Variants in MYO9A observed in about 807,000 individuals in gnomAD.
MYO9A encodes the protein unconventional myosin-IXa.
A neutral mutation model predicts 293.3 loss-of-function variants in MYO9A; 103 were observed. The ratio of observed to expected loss-of-function variants is 0.35; its 90% CI spans 0.30 to 0.41. The LOEUF (loss-of-function observed/expected upper bound fraction) is 0.41, where lower values mean the gene tolerates loss of function less well. Ranked by LOEUF, MYO9A falls within the 10% of genes least tolerant of loss-of-function variation. MYO9A has a pLI of 1.00. For synonymous variants in MYO9A, 1,001 were observed against 1,035.7 expected (o/e 0.97, Z 0.64); for missense variants, 2,685 against 3,033.0 (o/e 0.89, Z 2.69).
intron 1 of MYO9A, among the ~76,000 whole-genome samples, chr15:72,047,728 A>T (rs1203099992): frequency 2.1e-5 from 3 of 143,424 alleles, no homozygotes; most frequent in African/African-American, 7.6e-5. Flanking sequence ...TATAAGGATG[A>T]TGTGCTATTA....
intron 5 of MYO9A, 142 bp downstream of exon 5, chr15:72,020,776 A>T (rs2077481162): frequency 2.4e-6 from 1 of 420,730 alleles, no homozygotes; most frequent in South Asian, 1.1e-4. Context: ...TGAGAACTGC[A>T]TCACCTAAAT....
At chr15:71,878,575 A>C (rs2056766014) in intron 30 of MYO9A, among the ~76,000 whole-genome samples, 1 of 152,300 alleles carries the variant, frequency 6.6e-6, no homozygotes, top group South Asian at 2.1e-4. Flanking sequence ...AACCTTGTTT[A>C]GATGGTTCTA....
At chr15:71,852,287 C>A in intron 35 of MYO9A, 27 bp from the exon 36 acceptor site, 1 of 1,574,744 alleles carries the variant, frequency 6.4e-7, no homozygotes, top group Non-Finnish European at 8.7e-7. Flanking sequence ...GTTAGATTAA[C>A]AGAGCCAAAA....
At chr15:71,841,809 T>TG (rs1219979762) in intron 39 of MYO9A, among the ~76,000 whole-genome samples, 5 of 144,030 alleles carry the variant, frequency 3.5e-5, no homozygotes, top group Non-Finnish European at 7.5e-5. Context: ...TTTTTTTTTT[T>TG]GTTTTTTTTG....
At chr15:72,019,173 A>G (rs1376206648) in intron 5 of MYO9A, 78 bp from the exon 6 acceptor site, 1 of 1,176,506 alleles carries the variant, frequency 8.5e-7, no homozygotes, top group African/African-American at 1.5e-5. Context: ...GTGGTGTGCA[A>G]GTAGTACTGC....
chr15:72,008,405 C>T (rs927992538), intron 7 of MYO9A, among the ~76,000 whole-genome samples: 1 of 148,712 alleles, frequency 6.7e-6, no homozygotes, highest in Non-Finnish European at 1.5e-5. Context: ...AAATGCTTTT[C>T]TATACCATAG....
chr15:71,903,906 A>G, intron 21 of MYO9A, 23 bp downstream of exon 21: 1 of 1,584,256 alleles, frequency 6.3e-7, no homozygotes, highest in Non-Finnish European at 8.7e-7. Context: ...CTAAATATGT[A>G]AATATCACTA....
intron 7 of MYO9A, 120 bp downstream of exon 7, chr15:72,010,230 G>A (rs568204815): frequency 9.3e-6 from 6 of 641,946 alleles, no homozygotes; most frequent in African/African-American, 9.1e-5. Flanking sequence ...CGAGATGGAT[G>A]AGGTACTAGA....
At position 72,006,537 on chromosome 15, in the gene MYO9A, G is replaced by C. The variant is rs544078785; in HGVS notation, c.1380+1289C>G. On this transcript the variant is annotated intron_variant, in intron 8 of 41. Coordinates refer to ENST00000356056, the MANE Select transcript of MYO9A (RefSeq NM_006901.4). ...AGATCAGTGGTTGCCAGCAGTTTAG[G>C]GGGAGGGACTGAACAGGTAAAGCAC... is the stretch of plus-strand genomic sequence containing the variant. 4.6e-5 allele frequency among the ~76,000 whole-genome samples: 7 copies of C among 152,292 alleles called. No homozygotes were observed. The East Asian group carries it at 7.7e-4, about 17-fold the overall frequency.
intron 18 of MYO9A, among the ~76,000 whole-genome samples, chr15:71,927,368 C>G (rs935589284): frequency 1.3e-5 from 2 of 152,040 alleles, no homozygotes. Flanking sequence ...TGATGCAATC[C>G]CATTTGTCTA....
chr15:71,831,764 C>T (rs905323646), intron 39 of MYO9A, among the ~76,000 whole-genome samples: 3 of 152,042 alleles, frequency 2.0e-5, no homozygotes, highest in Non-Finnish European at 2.9e-5. Context: ...TCAAAGGTAA[C>T]AGGCACAAAA....
At chr15:72,081,071 T>C (rs1416531577) in intron 1 of MYO9A, among the ~76,000 whole-genome samples, 1 of 152,168 alleles carries the variant, frequency 6.6e-6, no homozygotes, top group African/African-American at 2.4e-5. Context: ...TATATTACTT[T>C]GGGTATACAC....
chr15:71,987,468 T>C (rs1253368987), intron 11 of MYO9A, among the ~76,000 whole-genome samples: 2 of 152,220 alleles, frequency 1.3e-5, no homozygotes, highest in African/African-American at 2.4e-5. Context: ...GCCTAAAATA[T>C]CTTTTCCCAT....
Position 71,859,798 on chromosome 15 carries a change from TGA to T in MYO9A, c.6092-4_6092-3del. On this transcript the variant is annotated splice_polypyrimidine_tract_variant and splice_region_variant and intron_variant, in intron 33 of 41. Transcript: ENST00000356056. The stretch of plus-strand genomic sequence containing the variant: ...TCTTATGGCAAGCATACTTGCATAC[TGA>T]AAAATAGGTGAGGAATGCAACATTT... The T allele has an allele frequency of 6.2e-7, 1 of 1,612,642 alleles. No individual in the cohort carries two copies. The highest frequency in any genetic ancestry group is 8.5e-7 in the Non-Finnish European group (1 of 1,179,090).
rs1181703313 is a variant in MYO9A, at chr15:72,046,002, G to A, written c.562C>T (p.Pro188Ser). 1.9e-6 allele frequency: 3 copies of A among 1,613,936 alleles called. No individual in the cohort carries two copies. Among genetic ancestry groups the A allele is most frequent in the Admixed American group, 1.7e-5 (1 of 60,008 alleles). The change falls in exon 2 of 42, where the codon CCA becomes TCA. Residue 188 changes from proline (P) to serine (S), a missense_variant. By Grantham distance (74) the Pro-to-Ser change is moderately conservative (BLOSUM62 -1). Around this residue, in one of 10 missense-constraint regions of MYO9A, gnomAD observed 289 missense variants for 456.8 expected, o/e 0.63. Coordinates refer to ENST00000356056, the MANE Select transcript of MYO9A (RefSeq NM_006901.4). ...TTATAAATAGGAAGAAACTTGAATG[G>A]GTTAATAACTATTAGAATACTGCCA... ...YVGSILIVIN[P>S]FKFLPIYNPK...
chr15:71,948,641 T>C (rs1016492832), intron 15 of MYO9A, among the ~76,000 whole-genome samples: 1 of 152,150 alleles, frequency 6.6e-6, no homozygotes. Flanking sequence ...CAGAAAAAAT[T>C]TGCCAACCCC....
chr15:71,935,053 C>T, intron 17 of MYO9A: 1 of 223,542 alleles, frequency 4.5e-6, no homozygotes, highest in Non-Finnish European at 8.7e-6. Flanking sequence ...GAAGGTAGGG[C>T]CTGTCTAAAC....
At chr15:71,978,329 TC>T in intron 11 of MYO9A, 37 bp from the exon 12 acceptor site, 1 of 1,567,768 alleles carries the variant, frequency 6.4e-7, no homozygotes, top group Non-Finnish European at 8.7e-7. Context: ...AATTTATTCA[TC>T]TTGCAGAAAA....
At chr15:72,071,519 T>A (rs2150177597) in intron 1 of MYO9A, among the ~76,000 whole-genome samples, 1 of 152,212 alleles carries the variant, frequency 6.6e-6, no homozygotes, top group Middle Eastern at 3.4e-3. Context: ...GGCAGGTGGA[T>A]CACTTGAGAT....
Sources: allele counts gnomAD v4.1 joint callset (sites outside exome capture counted in the v4.1 genomes callset), GRCh38; gene constraint gnomAD v4.1.1; regional missense constraint gnomAD v4.1.1; transcripts MANE v1.5; gene names NCBI Gene and HGNC (gene_info 2026-07-23, HGNC 2026-07-21).